The following STX11 variants were observed in gnomAD, a reference collection of about 807,000 sequenced individuals.
STX11 encodes the protein syntaxin-11.
A neutral mutation model predicts 19.9 loss-of-function variants in STX11; 21 were observed. That is an observed-to-expected ratio of 1.06 (90% CI 0.75 to 1.52). STX11 has a LOEUF of 1.52. Ranked by LOEUF, STX11 falls within the 40% of genes most tolerant of loss-of-function variation. The pLI, the probability that STX11 is intolerant of heterozygous loss-of-function variation, is 0.00. For missense variants in STX11, 438 were observed against 405.9 expected, an observed-to-expected ratio of 1.08 and a Z score of -0.68; for synonymous variants, 193 against 174.4, an observed-to-expected ratio of 1.11 and a Z score of -0.84.
At chr6:144,144,296 C>T in the STX11 span, among the ~76,000 whole-genome samples, 1 of 152,116 alleles carries the variant, frequency 6.6e-6, no homozygotes, top group South Asian at 2.1e-4. Flanking sequence ...AGCAACAGAA[C>T]CACATGATCA....
upstream of STX11, among the ~76,000 whole-genome samples, chr6:144,149,259 A>T (rs1800934103): frequency 6.6e-6 from 1 of 152,056 alleles, no homozygotes; most frequent in Admixed American, 6.5e-5. This position sits in a 1 kb window ranked among gnomAD's most constrained non-coding sequence, Gnocchi z 5.1. Context: ...TGTATAGGAG[A>T]TTTGTCTCCT....
In STX11 at chr6:144,187,045, C is replaced by T; in HGVS notation, c.418C>T (p.Gln140Ter). 6.2e-7 allele frequency: 1 copy of T among 1,613,022 alleles called. No homozygotes were observed. The highest frequency in any genetic ancestry group is 8.5e-7 in the Non-Finnish European group (1 of 1,179,966). ...GTACAACGCGCTCACCCTCACCTTC[C>T]AGCGCGCCATGCACGACTACAACCA... is the stretch of plus-strand genomic sequence containing the variant. Reference protein sequence around the residue: ...AQYNALTLTFQRAMHDYNQAE... With the variant: ...AQYNALTLTF The change falls in exon 2 of 2, where the codon CAG (glutamine) becomes TAG (stop). Residue 140 changes from glutamine (Q) to a stop codon, truncating the protein, a stop_gained. Coordinates refer to ENST00000367568, the MANE Select transcript of STX11 (RefSeq NM_003764.4). LOFTEE classifies it high-confidence loss of function. The surrounding 1 kb of genome is among the most constrained non-coding windows in gnomAD (Gnocchi z 5.6).
At chr6:144,156,208 G>A (rs73582915) in intron 1 of STX11, among the ~76,000 whole-genome samples, 4,957 of 151,600 alleles carry the variant, frequency 0.033, 288 homozygotes, top group African/African-American at 0.11. Context: ...GGAATTACAG[G>A]GATGCACCAT....
chr6:144,176,979 TA>T lies in STX11; in HGVS notation c.-5-9643del, dbSNP rs1408121269. 6.6e-6 allele frequency among the ~76,000 whole-genome samples: 1 copy of T among 152,192 alleles called. No individual in the cohort carries two copies. Among genetic ancestry groups the T allele is most frequent in the African/African-American group, 2.4e-5 (1 of 41,434 alleles). The stretch of plus-strand genomic sequence containing the variant: ...AAAAGATATCAGCCATATATAAGAA[TA>T]TTTTTTCTGGGAGAATTTAACAGGA... On this transcript the variant is annotated intron_variant, in intron 1 of 1. Coordinates refer to ENST00000367568, the MANE Select transcript of STX11 (RefSeq NM_003764.4). The surrounding 1 kb of genome is among the most constrained non-coding windows in gnomAD (Gnocchi z 4.1).
rs2128758297 is a variant in STX11, at chr6:144,188,971, C to G, written c.*1480C>G. On this transcript the variant is annotated 3_prime_UTR_variant, in exon 2 of 2. Coordinates refer to ENST00000367568, the MANE Select transcript of STX11 (RefSeq NM_003764.4). ...TTGATCTCCTGACCTCGTGATCCGC[C>G]CGCCTCAGCCTCCCATAGTGCTGGG... Among the ~76,000 whole-genome samples the G allele has an allele frequency of 6.6e-6, 1 of 152,094 alleles. No homozygotes were observed. The highest frequency in any genetic ancestry group is 1.5e-5 in the Non-Finnish European group (1 of 67,992).
In STX11 at chr6:144,189,648, G is replaced by A. The variant is rs774313415; in HGVS notation, c.*2157G>A. ...GCTGGAATTTTAAAAGAATTAGAAG[G>A]AGGAGTATGTGAATTCTTTGGAGCT... On this transcript the variant is annotated 3_prime_UTR_variant, in exon 2 of 2. Transcript: ENST00000367568. Among the ~76,000 whole-genome samples, 9 of 152,154 alleles carry A rather than the reference G, an allele frequency of 5.9e-5. No homozygotes were observed. The highest frequency in any genetic ancestry group is 1.0e-4 in the Non-Finnish European group (7 of 68,022).
chr6:144,169,825 A>G lies in STX11; in HGVS notation c.-5-16798A>G, dbSNP rs1281736731. ...CTCATCCTCTTGAGTAGCTAGGACT[A>G]CAGGCACACACCACCACACCTGGCT... On this transcript the variant is annotated intron_variant, in intron 1 of 1. Transcript: ENST00000367568. This position sits in a 1 kb window ranked among gnomAD's most constrained non-coding sequence, Gnocchi z 5.2. Among the ~76,000 whole-genome samples the G allele has an allele frequency of 6.6e-6, 1 of 152,078 alleles. No homozygotes were observed. Among genetic ancestry groups the G allele is most frequent in the African/African-American group, 2.4e-5 (1 of 41,420 alleles).
chr6:144,176,468 C>G lies in STX11; in HGVS notation c.-5-10155C>G, dbSNP rs546132732. ...CACAATGACTGGTTTGGGGTGCACACAGTCTGTCACTGAGATTCGTTTTTC... is the reference window on the plus strand; with the variant it reads ...CACAATGACTGGTTTGGGGTGCACAGAGTCTGTCACTGAGATTCGTTTTTC... On this transcript the variant is annotated intron_variant, in intron 1 of 1. Transcript: ENST00000367568. The surrounding 1 kb of genome is among the most constrained non-coding windows in gnomAD (Gnocchi z 4.1). 6.6e-6 allele frequency among the ~76,000 whole-genome samples: 1 copy of G among 152,314 alleles called. No homozygotes were observed. The highest frequency in any genetic ancestry group is 2.4e-5 in the African/African-American group (1 of 41,560).
In STX11 at chr6:144,159,582, C is replaced by T. The variant is rs1263094726; in HGVS notation, c.-6+8879C>T. 6.6e-6 allele frequency among the ~76,000 whole-genome samples: 1 copy of T among 151,978 alleles called. No individual in the cohort carries two copies. The highest frequency in any genetic ancestry group is 1.5e-5 in the Non-Finnish European group (1 of 67,996). On this transcript the variant is annotated intron_variant, in intron 1 of 1. Coordinates refer to ENST00000367568, the MANE Select transcript of STX11 (RefSeq NM_003764.4). The surrounding 1 kb of genome is among the most constrained non-coding windows in gnomAD (Gnocchi z 4.3). ...AGACAGTACAGGAAAATGACGCCTT[C>T]ATTTAATGAGGTAAAATAGGTAACA...
Position 144,152,374 on chromosome 6 carries a change from G to T in STX11, c.-6+1671G>T, listed in dbSNP as rs891227871. ...TGGGATTTGGAATGGACTGGGTCAT[G>T]GCTGGAAGAGCAAGGAAACTTTTGA... On this transcript the variant is annotated intron_variant, in intron 1 of 1. Transcript: ENST00000367568. This position sits in a 1 kb window ranked among gnomAD's most constrained non-coding sequence, Gnocchi z 4.9. Among the ~76,000 whole-genome samples, 1 of 152,204 alleles carries T rather than the reference G, an allele frequency of 6.6e-6. No individual in the cohort carries two copies. Among genetic ancestry groups the T allele is most frequent in the Non-Finnish European group, 1.5e-5 (1 of 68,044 alleles).
the STX11 span, among the ~76,000 whole-genome samples, chr6:144,143,399 C>A: frequency 6.6e-6 from 1 of 152,022 alleles, no homozygotes; most frequent in Non-Finnish European, 1.5e-5. Context: ...ATAATTCAAG[C>A]AGAGGTTTTA....
At position 144,160,528 on chromosome 6, in the gene STX11, A is replaced by G. The variant is rs111968231; in HGVS notation, c.-6+9825A>G. ...GTACCAGATTCGTTCTCTAGTAAGA[A>G]CCTATTTCTTGTTTAACCTGACATC... On this transcript the variant is annotated intron_variant, in intron 1 of 1. Coordinates refer to ENST00000367568, the MANE Select transcript of STX11 (RefSeq NM_003764.4). The surrounding 1 kb of genome is among the most constrained non-coding windows in gnomAD (Gnocchi z 4.3). Among the ~76,000 whole-genome samples the G allele has an allele frequency of 5.1e-3, 775 of 152,248 alleles. 7 individuals carry two copies. The highest frequency in any genetic ancestry group is 0.017 in the African/African-American group (723 of 41,534).
rs1801868952 is a variant in STX11 at position 144,180,005 on chromosome 6, T to G, written c.-5-6618T>G. ...TGCAAAGACTCTCTTTTTCTTTCTC[T>G]TTCTCTTTCTGTGTGTGTGTGTATC... On this transcript the variant is annotated intron_variant, in intron 1 of 1. Transcript: ENST00000367568. This position sits in a 1 kb window ranked among gnomAD's most constrained non-coding sequence, Gnocchi z 5.3. Among the ~76,000 whole-genome samples the G allele has an allele frequency of 6.6e-6, 1 of 152,212 alleles. No individual in the cohort carries two copies. Among genetic ancestry groups the G allele is most frequent in the Non-Finnish European group, 1.5e-5 (1 of 68,034 alleles).
chr6:144,172,614 C>T lies in STX11; in HGVS notation c.-5-14009C>T, dbSNP rs1801669634. 6.6e-6 allele frequency among the ~76,000 whole-genome samples: 1 copy of T among 152,154 alleles called. No homozygotes were observed. Among genetic ancestry groups the T allele is most frequent in the South Asian group, 2.1e-4 (1 of 4,830 alleles). On this transcript the variant is annotated intron_variant, in intron 1 of 1. Transcript: ENST00000367568. This position sits in a 1 kb window ranked among gnomAD's most constrained non-coding sequence, Gnocchi z 4.2. ...GTAATCAAGTATAGTCTGTCTCTGACAAAAATTATTCACATTTCTTTTGCA... is the reference window on the plus strand; with the variant it reads ...GTAATCAAGTATAGTCTGTCTCTGATAAAAATTATTCACATTTCTTTTGCA...
chr6:144,147,174 A>AAC (rs57924646), upstream of STX11, among the ~76,000 whole-genome samples: 894 of 152,124 alleles, frequency 5.9e-3, 38 homozygotes, highest in East Asian at 0.11. The surrounding 1 kb of genome is among the most constrained non-coding windows in gnomAD (Gnocchi z 4.2). Context: ...TTAAAAAAAA[A>AAC]AAAAACTGCT....
At position 144,153,305 on chromosome 6, in the gene STX11, G is replaced by T. The variant is rs954277118; in HGVS notation, c.-6+2602G>T. Among the ~76,000 whole-genome samples the T allele has an allele frequency of 7.2e-5, 11 of 152,188 alleles. No individual in the cohort carries two copies. Among genetic ancestry groups the T allele is most frequent in the African/African-American group, 2.7e-4 (11 of 41,442 alleles). ...ATTGTACTCCCTGAACTTGGCCCAG[G>T]CTTGTCTCATGATAAGTGTTAGAAA... On this transcript the variant is annotated intron_variant, in intron 1 of 1. Transcript: ENST00000367568. The surrounding 1 kb of genome is among the most constrained non-coding windows in gnomAD (Gnocchi z 5.0).
At position 144,159,754 on chromosome 6, in the gene STX11, A is replaced by C. The variant is rs1327755261; in HGVS notation, c.-6+9051A>C. Reference sequence around the variant, plus strand: ...TGAACTTACATCACAGCCTTTTAAAAATTAATCTCAAGGATCTGATTACTA... The same window carrying C: ...TGAACTTACATCACAGCCTTTTAAACATTAATCTCAAGGATCTGATTACTA... On this transcript the variant is annotated intron_variant, in intron 1 of 1. Transcript: ENST00000367568. This position sits in a 1 kb window ranked among gnomAD's most constrained non-coding sequence, Gnocchi z 4.3. Among the ~76,000 whole-genome samples the C allele has an allele frequency of 6.6e-6, 1 of 152,214 alleles. No individual in the cohort carries two copies. Among genetic ancestry groups the C allele is most frequent in the African/African-American group, 2.4e-5 (1 of 41,452 alleles).
rs1801275557 is a variant in STX11 at position 144,159,476 on chromosome 6, CAAAG to C, written c.-6+8774_-6+8777del. On this transcript the variant is annotated intron_variant, in intron 1 of 1. Coordinates refer to ENST00000367568, the MANE Select transcript of STX11 (RefSeq NM_003764.4). This position sits in a 1 kb window ranked among gnomAD's most constrained non-coding sequence, Gnocchi z 4.3. ...TTGGTTACAAGAGACTACTTTTTAA[CAAAG>C]GAAGATCTTTTGGTTGAGCTAGTTC... Among the ~76,000 whole-genome samples, 1 of 151,764 alleles carries C rather than the reference CAAAG, an allele frequency of 6.6e-6. No individual in the cohort carries two copies. Among genetic ancestry groups the C allele is most frequent in the African/African-American group, 2.4e-5 (1 of 41,262 alleles).
In STX11 at chr6:144,151,277, C is replaced by G; in HGVS notation, c.-6+574C>G. 1.0e-6 allele frequency: 1 copy of G among 985,418 alleles called. No individual in the cohort carries two copies. Among genetic ancestry groups the G allele is most frequent in the South Asian group, 4.7e-5 (1 of 21,284 alleles). 61.0% of individuals were successfully genotyped at this position (985,418 alleles called of 1,614,324 possible). ...AGTGGCAATGCCTGCGAGAGCCACG[C>G]CGTCCTGAGAGGGAATTCTGCCTTT... On this transcript the variant is annotated intron_variant, in intron 1 of 1. Transcript: ENST00000367568. This position sits in a 1 kb window ranked among gnomAD's most constrained non-coding sequence, Gnocchi z 4.6.
Sources: allele counts gnomAD v4.1 joint callset (sites outside exome capture counted in the v4.1 genomes callset), GRCh38; gene constraint gnomAD v4.1.1; non-coding constraint Gnocchi (gnomAD v3.1); transcripts MANE v1.5; gene names NCBI Gene and HGNC (gene_info 2026-07-23, HGNC 2026-07-21).